IGF2BP1: variants seen among roughly 807,000 people sequenced by gnomAD.
The protein encoded by IGF2BP1 is insulin like growth factor 2 mRNA binding protein 1, also known as insulin-like growth factor 2 mRNA-binding protein 1.
IGF2BP1 carries 11 observed loss-of-function variants against 74.9 expected under a neutral mutation model. That is an observed-to-expected ratio of 0.15 (90% CI 0.09 to 0.24). IGF2BP1 has a LOEUF of 0.24. Among genes scored for constraint, IGF2BP1 ranks in the 10% least tolerant of loss-of-function variants. The pLI, the probability that IGF2BP1 is intolerant of heterozygous loss-of-function variation, is 1.00. For missense variants in IGF2BP1, 440 were observed against 757.4 expected (o/e 0.58, Z 4.92); for synonymous variants, 287 against 281.8 (o/e 1.02, Z -0.18).
intron 4 of IGF2BP1, among the ~76,000 whole-genome samples, chr17:49,027,109 G>A (rs1481354183): frequency 6.6e-6 from 1 of 152,212 alleles, no homozygotes; most frequent in African/African-American, 2.4e-5. Flanking sequence ...GAATGTGTTA[G>A]GCGGGGAAAT....
chr17:49,044,215 C>A, intron 11 of IGF2BP1, 129 bp downstream of exon 11: 3 of 1,320,482 alleles, frequency 2.3e-6, no homozygotes, highest in Middle Eastern at 1.9e-4. Context: ...ACCTTTCCCC[C>A]ATGGAATCGA....
chr17:49,035,947 G>T (rs1309987811), intron 5 of IGF2BP1, among the ~76,000 whole-genome samples: 1 of 152,188 alleles, frequency 6.6e-6, no homozygotes, highest in Non-Finnish European at 1.5e-5. Context: ...GGCGGGAGTG[G>T]AGGCCGCGGC....
chr17:48,996,897 G>T (rs951648240), upstream of IGF2BP1, among the ~76,000 whole-genome samples: 2 of 152,058 alleles, frequency 1.3e-5, no homozygotes, highest in Non-Finnish European at 2.9e-5. Context: ...CTAGGGAAAA[G>T]GTTCCTTTCT....
intron 2 of IGF2BP1, among the ~76,000 whole-genome samples, chr17:49,009,216 A>T (rs1445289222): frequency 6.6e-6 from 1 of 151,738 alleles, no homozygotes; most frequent in African/African-American, 2.4e-5. Flanking sequence ...TTTAGTGGAG[A>T]TGGGGGTTTC....
At chr17:49,039,774 C>T (rs900136747) in intron 6 of IGF2BP1, among the ~76,000 whole-genome samples, 183 bp from the exon 7 acceptor site, 6 of 152,174 alleles carry the variant, frequency 3.9e-5, no homozygotes, top group African/African-American at 1.4e-4. Flanking sequence ...ACAGAATCCA[C>T]AGTAACAGAC....
intron 2 of IGF2BP1, among the ~76,000 whole-genome samples, chr17:49,003,761 CTT>C: frequency 8.8e-6 from 1 of 113,416 alleles, no homozygotes; most frequent in South Asian, 3.0e-4. Context: ...TTAGTCCCGG[CTT>C]GGAAATTCCA....
intron 2 of IGF2BP1, among the ~76,000 whole-genome samples, chr17:49,019,954 A>ATATATATT (rs1567815943): frequency 1.4e-4 from 6 of 41,556 alleles, no homozygotes; most frequent in Non-Finnish European, 2.3e-4. Context: ...ATATATTTAT[A>ATATATATT]TACACACACA....
rs192223656 is a variant in IGF2BP1, at chr17:49,025,441, C to T, written c.237-177C>T. On this transcript the variant is annotated intron_variant, in intron 2 of 14. Transcript: ENST00000290341. ...TCCATGATAATTTTGGTCTCTAAAG[C>T]GGGTACCCCTACTCCAAGTCTCCAT... Among the ~76,000 whole-genome samples the T allele has an allele frequency of 4.4e-4, 66 of 151,556 alleles. 1 individual carries two copies. The South Asian group carries it at 6.5e-3, about 15-fold the overall frequency.
intron 1 of IGF2BP1, among the ~76,000 whole-genome samples, chr17:48,998,507 C>CGCG (rs537378221): frequency 2.6e-5 from 4 of 152,112 alleles, no homozygotes; most frequent in African/African-American, 4.8e-5. Flanking sequence ...AGCGGGGTGG[C>CGCG]GCGGCGGCGG....
In IGF2BP1 at chr17:48,997,662, C is replaced by T; in HGVS notation, c.-84C>T. On this transcript the variant is annotated 5_prime_UTR_variant, in exon 1 of 15. Coordinates refer to ENST00000290341, the MANE Select transcript of IGF2BP1 (RefSeq NM_006546.4). The surrounding 1 kb of genome is among the most constrained non-coding windows in gnomAD (Gnocchi z 4.8). ...TTTGCGGCTCCTGCCGCCGGCCTCT[C>T]CGCCTCTTGGCCTAGGAGGCTCGCC... 1 of 1,442,986 alleles carries T rather than the reference C, an allele frequency of 6.9e-7. No individual in the cohort carries two copies. Among genetic ancestry groups the T allele is most frequent in the East Asian group, 2.3e-5 (1 of 43,272 alleles). 89.4% of individuals were successfully genotyped at this position (1,442,986 alleles called of 1,614,324 possible).
At chr17:49,033,513 T>G (rs908809787) in intron 5 of IGF2BP1, among the ~76,000 whole-genome samples, 22 of 151,946 alleles carry the variant, frequency 1.4e-4, no homozygotes, top group Non-Finnish European at 2.8e-4. Context: ...TGGCTAATTT[T>G]TGTATTTTTA....
intron 8 of IGF2BP1, 98 bp from the exon 9 acceptor site, chr17:49,042,144 T>C: frequency 6.7e-7 from 1 of 1,485,332 alleles, no homozygotes; most frequent in Non-Finnish European, 9.3e-7. Context: ...GCTGCAGAAA[T>C]GGTGGGCCTG....
At chr17:49,011,799 T>A (rs2041622501) in intron 2 of IGF2BP1, among the ~76,000 whole-genome samples, 1 of 152,010 alleles carries the variant, frequency 6.6e-6, no homozygotes, top group Non-Finnish European at 1.5e-5. Flanking sequence ...CAGATAAAAT[T>A]TCTCCTTGCT....
intron 7 of IGF2BP1, 81 bp downstream of exon 7, chr17:49,040,172 C>G (rs1008412830): frequency 8.3e-6 from 12 of 1,453,156 alleles, no homozygotes; most frequent in African/African-American, 1.4e-5. Flanking sequence ...AGCTTTTATA[C>G]AGACATATAA....
At position 49,046,074 on chromosome 17, in the gene IGF2BP1, C is replaced by G. The variant is rs1044903994; in HGVS notation, c.1527+53C>G. On this transcript the variant is annotated intron_variant, in intron 13 of 14. Coordinates refer to ENST00000290341, the MANE Select transcript of IGF2BP1 (RefSeq NM_006546.4). ...CCTGGGCCTTGGTCTCCAATCTCAG[C>G]AGCTCTCTCTGGTCTCCTGTACTGC... The G allele has an allele frequency of 9.4e-6, 15 of 1,599,128 alleles. No homozygotes were observed. In the African/African-American group the frequency reaches 1.1e-4, roughly 11 times the overall value.
rs1181601262 is a variant in IGF2BP1 at position 49,049,341 on chromosome 17, T to G, written c.1642-11T>G. On this transcript the variant is annotated splice_polypyrimidine_tract_variant and intron_variant, in intron 14 of 14. Coordinates refer to ENST00000290341, the MANE Select transcript of IGF2BP1 (RefSeq NM_006546.4). ...GTCTCACACCCACTCTCTTGCCTGT[T>G]CTTGCTGCAGATGGCTCAACGGAAG... The G allele has an allele frequency of 1.2e-6, 2 of 1,613,744 alleles. No individual in the cohort carries two copies. Among genetic ancestry groups the G allele is most frequent in the Non-Finnish European group, 1.7e-6 (2 of 1,179,760 alleles).
At chr17:49,005,955 G>C (rs914808723) in intron 2 of IGF2BP1, among the ~76,000 whole-genome samples, 2 of 152,100 alleles carry the variant, frequency 1.3e-5, no homozygotes, top group African/African-American at 2.4e-5. Flanking sequence ...CCAGCTACTC[G>C]GGAGGCTGAG....
rs960132525 is a variant in IGF2BP1, at chr17:49,026,595, GTTTC to G, written c.337+86_337+89del. On this transcript the variant is annotated intron_variant, in intron 4 of 14. Transcript: ENST00000290341. Reference sequence around the variant, plus strand: ...TGGTGCATTTGTTCTGCTTCACTTTGTTTCTTTCTTTTTCTCCCTTCCTTCCTTC... The same window carrying G: ...TGGTGCATTTGTTCTGCTTCACTTTGTTTCTTTTTCTCCCTTCCTTCCTTC... The G allele has an allele frequency of 2.9e-5, 37 of 1,289,330 alleles. No homozygotes were observed. The East Asian group carries it at 6.5e-4, about 23-fold the overall frequency. 79.9% of individuals were successfully genotyped at this position (1,289,330 alleles called of 1,614,324 possible).
chr17:49,032,074 C>T (rs1427688845), intron 5 of IGF2BP1, 101 bp downstream of exon 5: 2 of 1,026,658 alleles, frequency 1.9e-6, no homozygotes, highest in Admixed American at 2.0e-5. Context: ...TCTAGGCAGG[C>T]TGGGTCCCCA....
Sources: gnomAD v4.1 joint callset for allele counts (sites outside exome capture counted in the v4.1 genomes callset) on GRCh38, gnomAD v4.1.1 for gene constraint, Gnocchi (gnomAD v3.1) non-coding constraint, MANE v1.5 for transcripts, NCBI Gene and HGNC (gene_info 2026-07-23, HGNC 2026-07-21) for gene names.